Variants in MASP1 observed in about 807,000 individuals in gnomAD.
MASP1 encodes MBL associated serine protease 1.
In MASP1, 59 loss-of-function variants were observed where a neutral mutation model predicts 77.1. The observed-to-expected ratio is 0.77, with a 90% CI of 0.62 to 0.95. MASP1 has a LOEUF of 0.95. Ranked by LOEUF, MASP1 falls within the 40% of genes least tolerant of loss-of-function variation. MASP1 has a pLI of 0.00. For missense variants in MASP1, 885 were observed against 912.9 expected (o/e 0.97, Z 0.39); for synonymous variants, 362 against 354.5 (o/e 1.02, Z -0.24).
At chr3:187,239,928 A>G (rs535691564) in intron 10 of MASP1, among the ~76,000 whole-genome samples, 1 of 152,288 alleles carries the variant, frequency 6.6e-6, no homozygotes, top group African/African-American at 2.4e-5. Context: ...CCAAATGCTA[A>G]CATGTTCTTC....
chr3:187,241,387 CT>C (rs1370539226), intron 10 of MASP1, 93 bp downstream of exon 10: 14 of 964,408 alleles, frequency 1.5e-5, no homozygotes, highest in Non-Finnish European at 2.2e-5. Context: ...ATCACCTCCC[CT>C]GTCCCCCATC....
chr3:187,265,109 A>G (rs1234830100), intron 2 of MASP1, among the ~76,000 whole-genome samples: 1 of 152,158 alleles, frequency 6.6e-6, no homozygotes, highest in Non-Finnish European at 1.5e-5. Context: ...ACAAATCATC[A>G]TAGTCATATA....
chr3:187,248,236 AG>A (rs1426087892), intron 8 of MASP1, among the ~76,000 whole-genome samples: 4 of 152,196 alleles, frequency 2.6e-5, no homozygotes, highest in Admixed American at 6.5e-5. Flanking sequence ...AATGTAAGTC[AG>A]GGAAAAATTA....
chr3:187,268,180 G>A (rs1411000908), intron 2 of MASP1, among the ~76,000 whole-genome samples: 1 of 152,146 alleles, frequency 6.6e-6, no homozygotes, highest in East Asian at 1.9e-4. Flanking sequence ...AACTTAGAAG[G>A]TAGAAAAATG....
Position 187,285,832 on chromosome 3 carries a change from T to C in MASP1, c.230A>G (p.Tyr77Cys), listed in dbSNP as rs1242915155. The change falls in exon 2 of 11, where the codon TAT becomes TGT. Residue 77 changes from tyrosine (Y) to cysteine (C), a missense_variant. Coordinates refer to ENST00000296280, the MANE Select transcript of MASP1 (RefSeq NM_139125.4). ...GGACATCAGGAGTCTCACCTTCACA[T>C]AGTCATATTCACAAAGGTAGGAGGA... ...LESSYLCEYD[Y>C]VKVETEDQVL... 2.5e-6 allele frequency: 4 copies of C among 1,613,224 alleles called. No individual in the cohort carries two copies. The highest frequency in any genetic ancestry group is 1.7e-5 in the Admixed American group (1 of 60,004).
At chr3:187,261,703 A>G (rs1316502849) in intron 3 of MASP1, among the ~76,000 whole-genome samples, 2 of 152,252 alleles carry the variant, frequency 1.3e-5, no homozygotes, top group African/African-American at 2.4e-5. Context: ...CCTATGACTC[A>G]GCAATTCTTC....
downstream of MASP1, among the ~76,000 whole-genome samples, chr3:187,233,123 T>G (rs1331617347): frequency 6.6e-6 from 1 of 152,184 alleles, no homozygotes; most frequent in African/African-American, 2.4e-5. Flanking sequence ...GTTGCAGAAG[T>G]TGCATAACTG....
chr3:187,223,452 T>A (rs1218549738), intron 13 of MASP1, among the ~76,000 whole-genome samples: 1 of 152,224 alleles, frequency 6.6e-6, no homozygotes, highest in East Asian at 1.9e-4. Context: ...CCTCAACTAG[T>A]CTGAAACCTA....
At position 187,226,481 on chromosome 3, in the gene MASP1, TG is replaced by T; in HGVS notation, c.1480del (p.Gln494SerfsTer71). ...GGTCGGATCTTCCGGATCGAGTGAC[TG>T]GTGGAGGCAGTGTGCGGCGGTCACG... is the stretch of plus-strand genomic sequence containing the variant. On this transcript the variant is annotated frameshift_variant, in exon 12 of 16. Transcript: ENST00000337774. LOFTEE classifies it high-confidence loss of function. The T allele has an allele frequency of 6.2e-7, 1 of 1,612,948 alleles. No homozygotes were observed. Among genetic ancestry groups the T allele is most frequent in the Non-Finnish European group, 8.5e-7 (1 of 1,179,568 alleles).
At chr3:187,231,962 G>A (rs1432306305), downstream of MASP1, among the ~76,000 whole-genome samples, 1 of 152,216 alleles carries the variant, frequency 6.6e-6, no homozygotes, top group Non-Finnish European at 1.5e-5. Context: ...GAGAGAGGAA[G>A]GAGGGAGTAC....
rs374497500 is a variant in MASP1, at chr3:187,253,335, G to A, written c.745-20C>T. The stretch of plus-strand genomic sequence containing the variant: ...TTTGATCTGCAAAATATGAGAGAGA[G>A]AGAGAGAAATAGAGTGTTCCATCTG... On this transcript the variant is annotated intron_variant, in intron 5 of 10. Coordinates refer to ENST00000296280, the MANE Select transcript of MASP1 (RefSeq NM_139125.4). 49 of 1,613,784 alleles carry A rather than the reference G, an allele frequency of 3.0e-5. No homozygotes were observed. The highest frequency in any genetic ancestry group is 4.0e-5 in the Non-Finnish European group (47 of 1,179,788).
chr3:187,234,587 C>T lies in MASP1; in HGVS notation c.*1097G>A. Reference sequence around the variant, plus strand: ...ATGGGTGAGCCTCTGATTCCTTTGACTCTGAAAAATGAAGGAGTGGGTCCC... The same window carrying T: ...ATGGGTGAGCCTCTGATTCCTTTGATTCTGAAAAATGAAGGAGTGGGTCCC... On this transcript the variant is annotated 3_prime_UTR_variant, in exon 11 of 11. Coordinates refer to ENST00000296280, the MANE Select transcript of MASP1 (RefSeq NM_139125.4). 7.8e-7 allele frequency: 1 copy of T among 1,287,216 alleles called. No homozygotes were observed. The highest frequency in any genetic ancestry group is 1.2e-5 in the South Asian group (1 of 80,938). The allele number at this position is 1,287,216 out of a possible 1,614,324, so 79.7% of individuals were successfully genotyped here.
chr3:187,248,315 G>T (rs1714273827), intron 8 of MASP1, among the ~76,000 whole-genome samples: 1 of 152,202 alleles, frequency 6.6e-6, no homozygotes, highest in Non-Finnish European at 1.5e-5. Flanking sequence ...AGGGGATTGG[G>T]TTGGGGCAGG....
intron 11 of MASP1, among the ~76,000 whole-genome samples, chr3:187,228,790 G>A (rs1328471591): frequency 6.6e-6 from 1 of 152,130 alleles, no homozygotes; most frequent in Non-Finnish European, 1.5e-5. Flanking sequence ...ACTTCTTTGA[G>A]TGAGACCATT....
intron 2 of MASP1, among the ~76,000 whole-genome samples, chr3:187,272,711 G>T (rs1716624543): frequency 6.6e-6 from 1 of 152,066 alleles, no homozygotes; most frequent in South Asian, 2.1e-4. Flanking sequence ...GCTAGAATAG[G>T]CAAGGAAGGA....
chr3:187,250,386 G>T (rs1185116846), intron 7 of MASP1, 57 bp from the exon 8 acceptor site: 8 of 1,349,868 alleles, frequency 5.9e-6, no homozygotes, highest in African/African-American at 1.4e-5. Context: ...GGTGTCAGGG[G>T]TTTTTTCCTA....
chr3:187,289,500 T>C (rs898945002), intron 1 of MASP1, among the ~76,000 whole-genome samples: 1 of 152,232 alleles, frequency 6.6e-6, no homozygotes, highest in African/African-American at 2.4e-5. Flanking sequence ...GCCCATATCA[T>C]GCCCAGGCAT....
intron 2 of MASP1, among the ~76,000 whole-genome samples, chr3:187,264,501 G>T (rs1415606188): frequency 6.6e-6 from 1 of 151,688 alleles, no homozygotes; most frequent in African/African-American, 2.4e-5. Context: ...CTTTAAAGAA[G>T]TACCCACTTT....
intron 10 of MASP1, among the ~76,000 whole-genome samples, chr3:187,236,951 G>A (rs1713237010): frequency 6.6e-6 from 1 of 152,214 alleles, no homozygotes; most frequent in African/African-American, 2.4e-5. Flanking sequence ...TATTTCAGAA[G>A]TGGTCCATGC....
Sources: allele counts gnomAD v4.1 joint callset (sites outside exome capture counted in the v4.1 genomes callset), GRCh38; gene constraint gnomAD v4.1.1; transcripts MANE v1.5; gene names NCBI Gene and HGNC (gene_info 2026-07-23, HGNC 2026-07-21).